EPB41L4A: variants seen among roughly 807,000 people sequenced by gnomAD.
The protein encoded by EPB41L4A is erythrocyte membrane protein band 4.1 like 4A.
Under a neutral mutation model 108.6 loss-of-function variants are expected in EPB41L4A, and 100 were observed. The ratio of observed to expected loss-of-function variants is 0.92; its 90% CI spans 0.78 to 1.09. EPB41L4A has a LOEUF of 1.09. EPB41L4A is among the 50% of genes least tolerant of loss of function. The pLI is 0.00. For missense variants in EPB41L4A, 1,030 were observed against 842.7 expected (o/e 1.22, Z -2.75); for synonymous variants, 319 against 289.0 (o/e 1.10, Z -1.05).
chr5:112,230,243 C>A (rs1024506533), intron 12 of EPB41L4A, among the ~76,000 whole-genome samples: 23 of 152,150 alleles, frequency 1.5e-4, no homozygotes, highest in African/African-American at 5.6e-4. Context: ...TGGGCAGATA[C>A]CCAATAATGG....
chr5:112,330,698 A>C (rs1756506102), intron 1 of EPB41L4A, among the ~76,000 whole-genome samples: 1 of 152,036 alleles, frequency 6.6e-6, no homozygotes, highest in South Asian at 2.1e-4. Flanking sequence ...CCATGTTTGC[A>C]ACTGTGCTAT....
intron 11 of EPB41L4A, among the ~76,000 whole-genome samples, chr5:112,238,257 T>C (rs1749501280): frequency 6.6e-6 from 1 of 152,178 alleles, no homozygotes; most frequent in Non-Finnish European, 1.5e-5. Flanking sequence ...TCAATATAAA[T>C]GTAAACAATA....
chr5:112,390,330 G>C (rs1384306844), intron 1 of EPB41L4A, among the ~76,000 whole-genome samples: 3 of 152,278 alleles, frequency 2.0e-5, no homozygotes, highest in Admixed American at 1.3e-4. Context: ...GGAAAATGAG[G>C]ACACTGCCAC....
chr5:112,311,795 A>G (rs1312361121), intron 1 of EPB41L4A, among the ~76,000 whole-genome samples: 1 of 152,126 alleles, frequency 6.6e-6, no homozygotes, highest in South Asian at 2.1e-4. Context: ...TTACTTCAAA[A>G]TATTTCTGGA....
At position 112,311,868 on chromosome 5, in the gene EPB41L4A, A is replaced by G. The variant is rs75112447; in HGVS notation, c.100-4378T>C. Among the ~76,000 whole-genome samples, 1,089 of 152,342 alleles carry G rather than the reference A, an allele frequency of 7.1e-3. 6 individuals are homozygous for G. The highest frequency in any genetic ancestry group is 0.025 in the African/African-American group (1,046 of 41,566). ...ATCTCACTTATGGGTCCTTTCTCCC[A>G]TCTAGGCACAGAGAGAAACAGATGG... On this transcript the variant is annotated intron_variant, in intron 1 of 22. Transcript: ENST00000261486.
intron 13 of EPB41L4A, among the ~76,000 whole-genome samples, chr5:112,206,772 G>C (rs1398510291): frequency 6.6e-6 from 1 of 152,222 alleles, no homozygotes; most frequent in East Asian, 1.9e-4. Flanking sequence ...TCTGAAGCTT[G>C]AGAGGAAAAC....
intron 1 of EPB41L4A, among the ~76,000 whole-genome samples, chr5:112,349,054 A>T (rs1274784671): frequency 6.6e-6 from 1 of 152,220 alleles, no homozygotes; most frequent in East Asian, 1.9e-4. Context: ...CCAGGAAAGT[A>T]GGAGTAGCCA....
intron 2 of EPB41L4A, among the ~76,000 whole-genome samples, chr5:112,305,141 C>G (rs938657846): frequency 2.0e-5 from 3 of 152,128 alleles, no homozygotes; most frequent in Admixed American, 6.6e-5. Context: ...GAATTCTGGT[C>G]CTAATACGTG....
chr5:112,368,520 C>G (rs1759282349), intron 1 of EPB41L4A, among the ~76,000 whole-genome samples: 1 of 152,134 alleles, frequency 6.6e-6, no homozygotes, highest in Non-Finnish European at 1.5e-5. Context: ...CCCACTGCTT[C>G]CCTCCTCATT....
chr5:112,409,421 C>G (rs1762285723), intron 1 of EPB41L4A, among the ~76,000 whole-genome samples: 3 of 152,160 alleles, frequency 2.0e-5, no homozygotes, highest in Admixed American at 6.5e-5. Flanking sequence ...GATGGCTGCA[C>G]AATTCCGTAA....
chr5:112,305,385 G>C (rs1471938165), intron 2 of EPB41L4A, among the ~76,000 whole-genome samples: 3 of 152,034 alleles, frequency 2.0e-5, no homozygotes, highest in Non-Finnish European at 4.4e-5. Flanking sequence ...TGCTATGTGA[G>C]GTCCCGAATG....
At chr5:112,353,612 C>G (rs1024470953) in intron 1 of EPB41L4A, among the ~76,000 whole-genome samples, 3 of 152,134 alleles carry the variant, frequency 2.0e-5, no homozygotes, top group Non-Finnish European at 4.4e-5. Context: ...CAGTGGTACA[C>G]ATGGCAGGGT....
intron 4 of EPB41L4A, among the ~76,000 whole-genome samples, chr5:112,269,620 A>T (rs62364136): frequency 0.06 from 9,194 of 152,192 alleles, 334 homozygotes; most frequent in Non-Finnish European, 0.075. Context: ...TGCCTAGGAG[A>T]GTACTAATTT....
At chr5:112,225,275 T>C (rs779437348) in intron 12 of EPB41L4A, among the ~76,000 whole-genome samples, 7 of 152,254 alleles carry the variant, frequency 4.6e-5, no homozygotes, top group Non-Finnish European at 8.8e-5. Flanking sequence ...TGAGGACTTA[T>C]ATGCCATCTT....
intron 1 of EPB41L4A, among the ~76,000 whole-genome samples, chr5:112,346,238 T>TTTTTTTTTTTTTTC (rs1757666519): frequency 7.7e-6 from 1 of 130,286 alleles, no homozygotes; most frequent in Non-Finnish European, 1.6e-5. Flanking sequence ...TTTTTTTTTT[T>TTTTTTTTTTTTTTC]TTTTTGAGAA....
chr5:112,160,075 T>C (rs1759800333), downstream of EPB41L4A, among the ~76,000 whole-genome samples: 2 of 149,708 alleles, frequency 1.3e-5, no homozygotes, highest in African/African-American at 4.9e-5. Flanking sequence ...CAAGCCCAAG[T>C]AATTTTTGTA....
chr5:112,169,341 T>A (rs78907544), intron 20 of EPB41L4A, among the ~76,000 whole-genome samples: 1,865 of 152,320 alleles, frequency 0.012, 18 homozygotes, highest in Middle Eastern at 0.027. Flanking sequence ...TATATGTATG[T>A]ATGTATATTT....
chr5:112,218,390 A>T (rs1017525999), intron 12 of EPB41L4A, among the ~76,000 whole-genome samples: 1 of 152,292 alleles, frequency 6.6e-6, no homozygotes, highest in African/African-American at 2.4e-5. Context: ...TTCCTGTGAT[A>T]CGAGTTTGAG....
chr5:112,356,521 C>G (rs901485147), intron 1 of EPB41L4A, among the ~76,000 whole-genome samples: 2 of 152,180 alleles, frequency 1.3e-5, no homozygotes, highest in Non-Finnish European at 2.9e-5. Context: ...AGATACTATG[C>G]TAGAAAGTGC....
Sources: allele counts gnomAD v4.1 joint callset (sites outside exome capture counted in the v4.1 genomes callset), GRCh38; gene constraint gnomAD v4.1.1; transcripts MANE v1.5; gene names NCBI Gene and HGNC (gene_info 2026-07-23, HGNC 2026-07-21).